Variants in CYP2S1 observed in about 807,000 individuals in gnomAD.
The protein encoded by CYP2S1 is cytochrome P450 family 2 subfamily S member 1.
A neutral mutation model predicts 43.5 loss-of-function variants in CYP2S1; 32 were observed. The ratio of observed to expected loss-of-function variants is 0.74; its 90% confidence interval spans 0.56 to 0.99. The LOEUF is 0.99. Ranked by LOEUF, CYP2S1 falls within the 50% of genes least tolerant of loss-of-function variation. The probability of loss-of-function intolerance (pLI) is 0.00; values close to 1 mark genes in which losing one functional copy is unlikely to be tolerated. For missense variants in CYP2S1, 575 were observed against 673.9 expected (o/e 0.85, Z 1.62); for synonymous variants, 283 against 302.9 (o/e 0.93, Z 0.68).
chr19:41,206,373 G>A lies in CYP2S1; in HGVS notation c.1400G>A (p.Cys467Tyr). ...CAAGCCTTCTCCCTGGAGAGCCCGTGCCCGCCGGACACCCTGAGCCTCAAG... is the reference window on the plus strand; with the variant it reads ...CAAGCCTTCTCCCTGGAGAGCCCGTACCCGCCGGACACCCTGAGCCTCAAG... ...ILQAFSLESPCPPDTLSLKPT... is the reference protein window; with the variant it reads ...ILQAFSLESPYPPDTLSLKPT... The change falls in exon 9 of 9, where the codon TGC (cysteine) becomes TAC (tyrosine). Residue 467 changes from cysteine to tyrosine, a missense_variant. Around this residue, in one of 2 missense-constraint regions of CYP2S1, gnomAD observed 222 missense variants for 306.3 expected, o/e 0.72. Coordinates refer to ENST00000310054, the MANE Select transcript of CYP2S1 (RefSeq NM_030622.8). 4 of 1,614,094 alleles carry A rather than the reference G, an allele frequency of 2.5e-6. No individual in the cohort carries two copies. The highest frequency in any genetic ancestry group is 3.4e-6 in the Non-Finnish European group (4 of 1,180,032).
At chr19:41,193,506 C>G in intron 1 of CYP2S1, 65 bp downstream of exon 1, 1 of 1,384,892 alleles carries the variant, frequency 7.2e-7, no homozygotes, top group African/African-American at 1.5e-5. Flanking sequence ...ACCCGAGTGC[C>G]AGGGTGAGGG....
chr19:41,206,219 C>A (rs1263336950), intron 8 of CYP2S1, 61 bp from the exon 9 acceptor site: 38 of 1,611,734 alleles, frequency 2.4e-5, no homozygotes, highest in Non-Finnish European at 2.9e-5. Flanking sequence ...TGCTGTTCCC[C>A]CCGTGGGCCT....
At position 41,207,357 on chromosome 19, in the gene CYP2S1, ACACT is replaced by A. The variant is rs1011025775; in HGVS notation, c.*874_*877del. Reference sequence around the variant, plus strand: ...CTGCTGCCCCTCCACACACACATACACACTCACTGATCTACAGCCCCTGTTCGGC... The same window carrying A: ...CTGCTGCCCCTCCACACACACATACACACTGATCTACAGCCCCTGTTCGGC... On this transcript the variant is annotated 3_prime_UTR_variant, in exon 9 of 9. Coordinates refer to ENST00000310054, the MANE Select transcript of CYP2S1 (RefSeq NM_030622.8). The A allele has an allele frequency of 3.5e-5, 6 of 172,428 alleles. No individual in the cohort carries two copies. The highest frequency in any genetic ancestry group is 1.4e-4 in the African/African-American group (6 of 41,994). 10.7% of individuals were successfully genotyped at this position (172,428 alleles called of 1,614,324 possible).
intron 2 of CYP2S1, among the ~76,000 whole-genome samples, 167 bp downstream of exon 2, chr19:41,194,876 G>A (rs1046600469): frequency 2.0e-5 from 3 of 152,098 alleles, no homozygotes; most frequent in African/African-American, 7.2e-5. Context: ...AACACTTTGG[G>A]AGGCGGAGGT....
intron 2 of CYP2S1, among the ~76,000 whole-genome samples, chr19:41,195,992 G>A (rs951777162): frequency 6.6e-6 from 1 of 152,048 alleles, no homozygotes; most frequent in Non-Finnish European, 1.5e-5. Flanking sequence ...GGAGAGGCGG[G>A]CTTATACTGC....
Position 41,206,688 on chromosome 19 carries a change from A to G in CYP2S1, c.*200A>G, listed in dbSNP as rs1380483151. 3 of 790,630 alleles carry G rather than the reference A, an allele frequency of 3.8e-6. No homozygotes were observed. The highest frequency in any genetic ancestry group is 2.7e-5 in the South Asian group (2 of 74,242). 49.0% of individuals were successfully genotyped at this position (790,630 alleles called of 1,614,324 possible). A position where few individuals can be genotyped will look rare whatever the true frequency, so the allele number is the denominator to read the frequency against. ...AAGATGCACAACCGCACACCCATAC[A>G]CAACTACAAGGGCCACAAAGCAACT... On this transcript the variant is annotated 3_prime_UTR_variant, in exon 9 of 9. Coordinates refer to ENST00000310054, the MANE Select transcript of CYP2S1 (RefSeq NM_030622.8).
intron 2 of CYP2S1, among the ~76,000 whole-genome samples, chr19:41,196,709 C>T (rs1428036553): frequency 1.3e-5 from 2 of 152,132 alleles, no homozygotes; most frequent in Non-Finnish European, 2.9e-5. Flanking sequence ...CCACGACAGG[C>T]TGGCATTGGA....
chr19:41,194,218 T>G (rs544028920), intron 1 of CYP2S1, among the ~76,000 whole-genome samples: 1 of 151,592 alleles, frequency 6.6e-6, no homozygotes, highest in Non-Finnish European at 1.5e-5. Flanking sequence ...GCTGGATATT[T>G]GGGGGGCAGG....
chr19:41,194,393 C>A, intron 1 of CYP2S1, 151 bp from the exon 2 acceptor site: 1 of 1,010,688 alleles, frequency 9.9e-7, no homozygotes, highest in Non-Finnish European at 1.4e-6. Context: ...GAGAACTGAG[C>A]CTCAGCTATT....
At position 41,193,284 on chromosome 19, in the gene CYP2S1, GGGCGCTGCTGCTGGCGCT is replaced by G. The variant is rs1379417926; in HGVS notation, c.30_47del (p.Ala12_Leu17del). The G allele has an allele frequency of 2.6e-6, 4 of 1,541,300 alleles. No individual in the cohort carries two copies. Among genetic ancestry groups the G allele is most frequent in the South Asian group, 1.2e-5 (1 of 84,152 alleles). On this transcript the variant is annotated inframe_deletion, in exon 1 of 9. Transcript: ENST00000310054. The stretch of plus-strand genomic sequence containing the variant: ...GCCGAGATGGAGGCGACCGGCACCT[GGGCGCTGCTGCTGGCGCT>G]GGCGCTGCTCCTGCTGCTGACGCTG...
intron 7 of CYP2S1, among the ~76,000 whole-genome samples, chr19:41,205,663 G>T (rs1568402755): frequency 6.6e-6 from 1 of 151,698 alleles, no homozygotes; most frequent in Non-Finnish European, 1.5e-5. Context: ...CTGGGACAAC[G>T]GGCTCATACC....
At position 41,197,730 on chromosome 19, in the gene CYP2S1, G is replaced by A. The variant is rs113850982; in HGVS notation, c.344-49G>A. Reference sequence around the variant, plus strand: ...AAAAAAGAAAGAAAGGAAGAAGGGGGAATGGGGGAGAGGGGCCGGTCCCTT... The same window carrying A: ...AAAAAAGAAAGAAAGGAAGAAGGGGAAATGGGGGAGAGGGGCCGGTCCCTT... On this transcript the variant is annotated intron_variant, in intron 2 of 8. Coordinates refer to ENST00000310054, the MANE Select transcript of CYP2S1 (RefSeq NM_030622.8). 8.8e-5 allele frequency: 140 copies of A among 1,596,432 alleles called. 2 individuals are homozygous for A. The African/African-American group carries it at 1.5e-3, about 17-fold the overall frequency.
chr19:41,205,344 T>TTCTTTCTTTCTTTC (rs2033551643), intron 7 of CYP2S1, among the ~76,000 whole-genome samples: 1 of 97,506 alleles, frequency 1.0e-5, no homozygotes, highest in Non-Finnish European at 1.9e-5. Flanking sequence ...CTTTCTTTTT[T>TTCTTTCTTTCTTTC]TCTTTCTTTC....
At chr19:41,206,218 C>T in intron 8 of CYP2S1, 62 bp from the exon 9 acceptor site, 3 of 1,611,708 alleles carry the variant, frequency 1.9e-6, no homozygotes, top group Non-Finnish European at 2.5e-6. Flanking sequence ...CTGCTGTTCC[C>T]CCCGTGGGCC....
chr19:41,206,178 G>A, intron 8 of CYP2S1, 79 bp downstream of exon 8: 1 of 1,607,800 alleles, frequency 6.2e-7, no homozygotes, highest in Non-Finnish European at 8.5e-7. Flanking sequence ...GCACCCTTCT[G>A]CACCCTGGGC....
At chr19:41,206,183 C>T in intron 8 of CYP2S1, 84 bp downstream of exon 8, 1 of 1,608,162 alleles carries the variant, frequency 6.2e-7, no homozygotes, top group East Asian at 2.2e-5. Flanking sequence ...CTTCTGCACC[C>T]TGGGCTTACT....
intron 6 of CYP2S1, among the ~76,000 whole-genome samples, 184 bp from the exon 7 acceptor site, chr19:41,203,266 A>G (rs2033514487): frequency 6.6e-6 from 1 of 152,090 alleles, no homozygotes; most frequent in Non-Finnish European, 1.5e-5. Context: ...TAAGAGAGAG[A>G]GAAGATAGAT....
chr19:41,194,506 G>A (rs1437551014), intron 1 of CYP2S1, 38 bp from the exon 2 acceptor site: 3 of 1,535,888 alleles, frequency 2.0e-6, no homozygotes, highest in Non-Finnish European at 2.6e-6. Flanking sequence ...GATCGAAGAG[G>A]TCACAGCACC....
intron 5 of CYP2S1, 55 bp from the exon 6 acceptor site, chr19:41,201,176 A>T: frequency 1.9e-6 from 3 of 1,592,058 alleles, no homozygotes; most frequent in Admixed American, 1.8e-5. Context: ...GCTGTTCTGG[A>T]CATTTACTTC....
Sources: gnomAD v4.1 joint callset for allele counts (sites outside exome capture counted in the v4.1 genomes callset) on GRCh38, gnomAD v4.1.1 for gene constraint, gnomAD v4.1.1 regional missense constraint, MANE v1.5 for transcripts, NCBI Gene and HGNC (gene_info 2026-07-23, HGNC 2026-07-21) for gene names.